Variants in DCP1A observed in about 807,000 individuals in gnomAD.
DCP1A encodes mRNA-decapping enzyme 1A.
A neutral mutation model predicts 58.0 loss-of-function variants in DCP1A; 20 were observed. The ratio of observed to expected loss-of-function variants is 0.34; its 90% confidence interval spans 0.24 to 0.50. The LOEUF (loss-of-function observed/expected upper bound fraction) is 0.50, where lower values mean the gene tolerates loss of function less well. Among genes scored for constraint, DCP1A ranks in the 20% least tolerant of loss-of-function variants. The probability of loss-of-function intolerance (pLI) is 0.98; values close to 1 mark genes in which losing one functional copy is unlikely to be tolerated. For missense variants in DCP1A, 613 were observed against 712.2 expected (o/e 0.86, Z 1.59); for synonymous variants, 285 against 275.1 (o/e 1.04, Z -0.36).
In DCP1A at chr3:53,317,411, C is replaced by T. The variant is rs138856025; in HGVS notation, c.371+1996G>A. 1.9e-3 allele frequency among the ~76,000 whole-genome samples: 282 copies of T among 152,300 alleles called. 1 individual carries two copies. The highest frequency in any genetic ancestry group is 6.8e-3 in the Middle Eastern group (2 of 294). On this transcript the variant is annotated intron_variant, in intron 4 of 9. Transcript: ENST00000610213. ...CACTTCCAATCTCAGGTGATCTGCC[C>T]GCCTTGGCCCACCAAAGTGCTAGGA...
chr3:53,332,795 G>A (rs1482451917), intron 3 of DCP1A, among the ~76,000 whole-genome samples: 2 of 151,550 alleles, frequency 1.3e-5, no homozygotes, highest in Non-Finnish European at 2.9e-5. Flanking sequence ...AACCCGGGTC[G>A]TGGAGCTTGC....
chr3:53,323,381 A>G (rs1553690228), intron 3 of DCP1A, among the ~76,000 whole-genome samples: 1 of 152,244 alleles, frequency 6.6e-6, no homozygotes, highest in Non-Finnish European at 1.5e-5. Context: ...CTCTAACTAC[A>G]GTAAATCAGA....
At chr3:53,342,402 A>C in intron 2 of DCP1A, 131 bp from the exon 3 acceptor site, 5 of 697,336 alleles carry the variant, frequency 7.2e-6, no homozygotes, top group Non-Finnish European at 9.1e-6. Context: ...CAGCACTTAC[A>C]TCTGTAAACA....
chr3:53,309,068 A>C (rs1252412892), intron 5 of DCP1A, among the ~76,000 whole-genome samples: 3 of 152,150 alleles, frequency 2.0e-5, no homozygotes, highest in Admixed American at 6.6e-5. Context: ...ATCTTTCTTT[A>C]CATAAAAAAT....
intron 3 of DCP1A, among the ~76,000 whole-genome samples, chr3:53,339,058 C>T (rs782505401): frequency 2.6e-5 from 4 of 152,066 alleles, no homozygotes; most frequent in Admixed American, 6.6e-5. Flanking sequence ...GGCAGAAGTG[C>T]AGCTATAGAA....
intron 2 of DCP1A, among the ~76,000 whole-genome samples, chr3:53,342,506 A>T (rs2089222932): frequency 6.6e-6 from 1 of 152,190 alleles, no homozygotes; most frequent in African/African-American, 2.4e-5. Flanking sequence ...GAGGCCACCA[A>T]GGCCCCACCT....
intron 6 of DCP1A, among the ~76,000 whole-genome samples, chr3:53,299,128 C>T (rs1416349838): frequency 3.3e-5 from 5 of 152,304 alleles, no homozygotes; most frequent in East Asian, 1.9e-4. Context: ...CATGATTATA[C>T]CTAACTGGTT....
chr3:53,296,260 T>G (rs1352833803), intron 6 of DCP1A, among the ~76,000 whole-genome samples: 1 of 152,142 alleles, frequency 6.6e-6, no homozygotes, highest in Non-Finnish European at 1.5e-5. Context: ...TCCTGGAATA[T>G]CATATCCCAC....
chr3:53,312,467 A>G, intron 4 of DCP1A, 88 bp from the exon 5 acceptor site: 1 of 1,174,186 alleles, frequency 8.5e-7, no homozygotes, highest in Non-Finnish European at 1.2e-6. Context: ...CCAAGGATAC[A>G]CTAAGAGTGT....
At chr3:53,341,834 G>A (rs1289145622) in intron 3 of DCP1A, among the ~76,000 whole-genome samples, 4 of 151,964 alleles carry the variant, frequency 2.6e-5, no homozygotes, top group East Asian at 3.9e-4. Flanking sequence ...CACCAAGCCC[G>A]GCTAATTTTT....
intron 6 of DCP1A, among the ~76,000 whole-genome samples, chr3:53,297,674 T>A (rs1208851059): frequency 2.0e-5 from 3 of 152,152 alleles, no homozygotes; most frequent in Non-Finnish European, 4.4e-5. Flanking sequence ...TTCTTATTAA[T>A]GCAAATTAAA....
At chr3:53,329,621 T>G (rs1351612025) in intron 3 of DCP1A, among the ~76,000 whole-genome samples, 3 of 152,226 alleles carry the variant, frequency 2.0e-5, no homozygotes, top group African/African-American at 7.2e-5. Context: ...TAGGATCACT[T>G]TGAAAGTGTT....
At position 53,288,192 on chromosome 3, in the gene DCP1A, G is replaced by C; in HGVS notation, c.1541C>G (p.Ser514Cys). Residue 514 changes from serine (S) to cysteine (C), a missense_variant, in exon 9 of 10, where the codon TCT becomes TGT. Transcript: ENST00000610213. ...GCTGGCTTTCCTCTCAAGGTCCGAA[G>C]ATCTTGTAACTGTCTGCTGGAAAAC... is the stretch of plus-strand genomic sequence containing the variant. ...PSVFQQTVTR[S>C]SDLERKASSP... 1 of 1,614,024 alleles carries C rather than the reference G, an allele frequency of 6.2e-7. No homozygotes were observed. Among genetic ancestry groups the C allele is most frequent in the Non-Finnish European group, 8.5e-7 (1 of 1,179,894 alleles).
At chr3:53,336,125 T>C (rs1338590694) in intron 3 of DCP1A, among the ~76,000 whole-genome samples, 1 of 148,010 alleles carries the variant, frequency 6.8e-6, no homozygotes, top group African/African-American at 2.5e-5. Context: ...CTTTTTGAGA[T>C]GGAGTTTAGC....
intron 3 of DCP1A, among the ~76,000 whole-genome samples, chr3:53,323,311 A>G (rs1553690215): frequency 6.6e-6 from 1 of 152,238 alleles, no homozygotes; most frequent in African/African-American, 2.4e-5. Context: ...TGTTACAGAG[A>G]TAATTATTAA....
chr3:53,296,187 G>A (rs964382384), intron 6 of DCP1A, among the ~76,000 whole-genome samples: 2 of 152,064 alleles, frequency 1.3e-5, no homozygotes, highest in African/African-American at 2.4e-5. Flanking sequence ...GAGCCACCGC[G>A]CCCGGCCCAC....
chr3:53,315,277 C>T lies in DCP1A; in HGVS notation c.372-2898G>A, dbSNP rs1219183084. On this transcript the variant is annotated intron_variant, in intron 4 of 9. Coordinates refer to ENST00000610213, the MANE Select transcript of DCP1A (RefSeq NM_018403.7). ...TTCTGAGGCCGGGTGTGGTGGCTCA[C>T]GCCTGTAATCCCAGCACTTTGGGAG... Among the ~76,000 whole-genome samples the T allele has an allele frequency of 5.3e-5, 8 of 152,118 alleles. No homozygotes were observed. In the South Asian group the frequency reaches 6.2e-4, roughly 12 times the overall value.
intron 6 of DCP1A, among the ~76,000 whole-genome samples, chr3:53,296,724 C>T (rs963520741): frequency 2.0e-5 from 3 of 152,116 alleles, no homozygotes; most frequent in South Asian, 2.1e-4. Flanking sequence ...TTTTTATGGC[C>T]GAATAATGTT....
At chr3:53,314,672 T>TC (rs577111699) in intron 4 of DCP1A, among the ~76,000 whole-genome samples, 361 of 136,610 alleles carry the variant, frequency 2.6e-3, no homozygotes, top group African/African-American at 8.3e-3. Flanking sequence ...TTTTTCTTTT[T>TC]TTTTTTTTTT....
Sources: allele counts gnomAD v4.1 joint callset (sites outside exome capture counted in the v4.1 genomes callset), GRCh38; gene constraint gnomAD v4.1.1; transcripts MANE v1.5; gene names NCBI Gene and HGNC (gene_info 2026-07-23, HGNC 2026-07-21).